GRM1: variants seen among roughly 807,000 people sequenced by gnomAD.
The protein encoded by GRM1 is metabotropic glutamate receptor 1.
In GRM1, 33 loss-of-function variants were observed where a neutral mutation model predicts 90.9. The ratio of observed to expected loss-of-function variants is 0.36; its 90% CI spans 0.28 to 0.49. The LOEUF is 0.49. GRM1 is among the 20% of genes least tolerant of loss of function. The pLI is 0.99. For missense variants in GRM1, 1,190 were observed against 1,534.3 expected (o/e 0.78, Z 3.75); for synonymous variants, 700 against 613.2 (o/e 1.14, Z -2.09).
chr6:146,436,589 C>T lies in GRM1; in HGVS notation c.*1793C>T, dbSNP rs192289155. On this transcript the variant is annotated 3_prime_UTR_variant, in exon 8 of 8. Coordinates refer to ENST00000282753, the MANE Select transcript of GRM1 (RefSeq NM_001278064.2). ...TGTTCATGGACTTTTATTCCTGTGT[C>T]TTGGCTGTCATAACTTTTTATTTCT... 1.3e-3 allele frequency: 205 copies of T among 152,292 alleles called. 6 individuals carry two copies. The highest frequency in any genetic ancestry group is 1.0e-4 in the Non-Finnish European group (7 of 67,990). 9.4% of individuals were successfully genotyped at this position (152,292 alleles called of 1,614,324 possible). A position where few individuals can be genotyped will look rare whatever the true frequency, so the allele number is the denominator to read the frequency against.
chr6:146,187,359 T>G (rs1778769104), intron 2 of GRM1, among the ~76,000 whole-genome samples: 1 of 152,156 alleles, frequency 6.6e-6, no homozygotes, highest in Non-Finnish European at 1.5e-5. Flanking sequence ...TACTTGCTAA[T>G]ACAGACAGAA....
intron 1 of GRM1, among the ~76,000 whole-genome samples, chr6:146,120,297 G>A (rs1305577458): frequency 6.6e-6 from 1 of 152,206 alleles, no homozygotes; most frequent in Non-Finnish European, 1.5e-5. Context: ...TGTATCCTGA[G>A]ACTTTGCTGA....
intron 1 of GRM1, among the ~76,000 whole-genome samples, chr6:146,068,546 A>G (rs1356196042): frequency 1.3e-5 from 2 of 152,228 alleles, no homozygotes; most frequent in African/African-American, 4.8e-5. Context: ...AGACCAAGGA[A>G]TGTGGCAAGT....
intron 1 of GRM1, among the ~76,000 whole-genome samples, chr6:146,135,932 A>G (rs1199127228): frequency 6.6e-6 from 1 of 151,916 alleles, no homozygotes; most frequent in Non-Finnish European, 1.5e-5. Flanking sequence ...TCACCCCCCA[A>G]CTACCCTTCC....
chr6:146,274,197 A>T (rs966789904), intron 2 of GRM1, among the ~76,000 whole-genome samples: 2 of 152,254 alleles, frequency 1.3e-5, no homozygotes, highest in African/African-American at 4.8e-5. Flanking sequence ...TTGAATAAGT[A>T]AAAACTTGGG....
intron 1 of GRM1, among the ~76,000 whole-genome samples, chr6:146,106,347 T>C (rs1775297632): frequency 6.6e-6 from 1 of 152,218 alleles, no homozygotes; most frequent in Non-Finnish European, 1.5e-5. Flanking sequence ...ACCCTTAAGA[T>C]ACCTTTGTGG....
intron 2 of GRM1, among the ~76,000 whole-genome samples, chr6:146,268,418 C>T (rs1369607010): frequency 6.6e-6 from 1 of 152,116 alleles, no homozygotes; most frequent in Non-Finnish European, 1.5e-5. Flanking sequence ...CAATATTGCT[C>T]TATCTATACT....
At chr6:146,056,671 T>G (rs185499261) in intron 1 of GRM1, among the ~76,000 whole-genome samples, 1 of 152,278 alleles carries the variant, frequency 6.6e-6, no homozygotes, top group African/African-American at 2.4e-5. Flanking sequence ...GAGTAGCTTT[T>G]AAACTTTCGC....
In GRM1 at chr6:146,434,802, A is replaced by G; in HGVS notation, c.*6A>G. On this transcript the variant is annotated 3_prime_UTR_variant, in exon 8 of 8. Transcript: ENST00000282753. ...AAAGCTCTTCCACCCTGTAAGGGGG[A>G]AGGGTCCACATAGAAAAGCAAGACA... is the stretch of plus-strand genomic sequence containing the variant. 9.4e-6 allele frequency: 15 copies of G among 1,592,862 alleles called. No homozygotes were observed. Among genetic ancestry groups the G allele is most frequent in the Non-Finnish European group, 1.2e-5 (14 of 1,174,506 alleles).
intron 1 of GRM1, among the ~76,000 whole-genome samples, chr6:146,073,060 G>A (rs960739928): frequency 1.5e-4 from 23 of 151,860 alleles, no homozygotes; most frequent in Non-Finnish European, 5.9e-5. Context: ...TCTTTTTTTG[G>A]GGGGAGATGA....
At chr6:146,111,065 T>C (rs1448667750) in intron 1 of GRM1, among the ~76,000 whole-genome samples, 1 of 152,194 alleles carries the variant, frequency 6.6e-6, no homozygotes, top group African/African-American at 2.4e-5. Context: ...AATTAAGCAA[T>C]GTTCCAGGGT....
rs1340427147 is a variant in GRM1, at chr6:146,058,119, A to C, written c.700+27902A>C. On this transcript the variant is annotated intron_variant, in intron 1 of 7. Coordinates refer to ENST00000282753, the MANE Select transcript of GRM1 (RefSeq NM_001278064.2). ...AAATTGAGGACTTCGGGTGATTGTA[A>C]CATCACATACAGAATTATGTAGATA... is the stretch of plus-strand genomic sequence containing the variant. Among the ~76,000 whole-genome samples the C allele has an allele frequency of 3.3e-5, 5 of 152,210 alleles. No individual in the cohort carries two copies. The East Asian group carries it at 9.7e-4, about 30-fold the overall frequency.
At chr6:146,175,800 A>G (rs1778319430) in intron 2 of GRM1, among the ~76,000 whole-genome samples, 2 of 152,104 alleles carry the variant, frequency 1.3e-5, no homozygotes, top group Non-Finnish European at 2.9e-5. Flanking sequence ...AGAAAGGCCC[A>G]CCATCTTCCC....
intron 3 of GRM1, among the ~76,000 whole-genome samples, chr6:146,332,050 A>T (rs1784605517): frequency 6.6e-6 from 1 of 152,148 alleles, no homozygotes; most frequent in African/African-American, 2.4e-5. Context: ...GTACTCTTAG[A>T]CCATTACAGT....
At chr6:146,110,120 AG>A (rs1177134761) in intron 1 of GRM1, among the ~76,000 whole-genome samples, 1 of 152,024 alleles carries the variant, frequency 6.6e-6, no homozygotes, top group Non-Finnish European at 1.5e-5. Flanking sequence ...GGCTGTTGGG[AG>A]GGCACGATTG....
At chr6:146,286,996 T>C (rs1304765105) in intron 2 of GRM1, among the ~76,000 whole-genome samples, 1 of 152,170 alleles carries the variant, frequency 6.6e-6, no homozygotes, top group Non-Finnish European at 1.5e-5. Flanking sequence ...GAACAATGAT[T>C]CTTTATTTTT....
chr6:146,200,420 C>T (rs967112181), intron 2 of GRM1, among the ~76,000 whole-genome samples: 1 of 152,140 alleles, frequency 6.6e-6, no homozygotes, highest in Non-Finnish European at 1.5e-5. Context: ...CTATCAAATG[C>T]CTTTGTGCTC....
At chr6:146,335,769 C>A (rs1784752378) in intron 3 of GRM1, among the ~76,000 whole-genome samples, 2 of 152,066 alleles carry the variant, frequency 1.3e-5, no homozygotes, top group South Asian at 2.1e-4. Context: ...TTTTTAAATA[C>A]CTCATGACAT....
At chr6:146,167,747 T>C (rs1777961435) in intron 2 of GRM1, among the ~76,000 whole-genome samples, 1 of 152,102 alleles carries the variant, frequency 6.6e-6, no homozygotes, top group East Asian at 1.9e-4. Context: ...TATCTTCTCA[T>C]TATGGAGTCG....
Sources: allele counts gnomAD v4.1 joint callset (sites outside exome capture counted in the v4.1 genomes callset), GRCh38; gene constraint gnomAD v4.1.1; transcripts MANE v1.5; gene names NCBI Gene and HGNC (gene_info 2026-07-23, HGNC 2026-07-21).